Variants in DIAPH3 observed in about 807,000 individuals in gnomAD.
DIAPH3 encodes the protein protein diaphanous homolog 3.
DIAPH3 carries 117 observed loss-of-function variants against 144.3 expected under a neutral mutation model. The ratio of observed to expected loss-of-function variants is 0.81; its 90% CI spans 0.70 to 0.95. The LOEUF (loss-of-function observed/expected upper bound fraction) is 0.95. DIAPH3 is among the 40% of genes least tolerant of loss of function. The pLI is 0.00. For missense variants in DIAPH3, 1,421 were observed against 1,412.7 expected, an observed-to-expected ratio of 1.01 and a Z score of -0.09; for synonymous variants, 519 against 488.9, an observed-to-expected ratio of 1.06 and a Z score of -0.81.
intron 25 of DIAPH3, among the ~76,000 whole-genome samples, chr13:59,804,046 C>T (rs2040071886): frequency 6.6e-6 from 1 of 152,202 alleles, no homozygotes; most frequent in Non-Finnish European, 1.5e-5. Flanking sequence ...GGTTCCTTAA[C>T]TTCTATTCTG....
intron 5 of DIAPH3, among the ~76,000 whole-genome samples, chr13:60,019,609 T>TAAAAAAAAA (rs5803982): frequency 6.9e-6 from 1 of 144,230 alleles, no homozygotes; most frequent in Admixed American, 6.9e-5. Flanking sequence ...TAATAAAAAT[T>TAAAAAAAAA]AAAAAAAAAA....
intron 27 of DIAPH3, chr13:59,696,303 G>T (rs1237208616): frequency 5.9e-5 from 9 of 152,172 alleles, no homozygotes; most frequent in Admixed American, 5.9e-4. Flanking sequence ...ACAACAGATG[G>T]ATTTTAATAG....
intron 4 of DIAPH3, among the ~76,000 whole-genome samples, chr13:60,052,959 T>TAAAAAAAAAAAAAAACAAAAAAA (rs2056409470): frequency 2.5e-5 from 1 of 40,660 alleles, no homozygotes; most frequent in Non-Finnish European, 4.0e-5. Context: ...GACTCCCTCT[T>TAAAAAAAAAAAAAAACAAAAAAA]AAAAAAAAAA....
At chr13:60,032,680 G>A (rs1047092963) in intron 5 of DIAPH3, among the ~76,000 whole-genome samples, 2 of 152,220 alleles carry the variant, frequency 1.3e-5, no homozygotes, top group Admixed American at 1.3e-4. Flanking sequence ...AGGCCTCTGG[G>A]CCAGTGATGG....
At chr13:59,748,738 C>T (rs778671945) in intron 27 of DIAPH3, among the ~76,000 whole-genome samples, 10 of 152,164 alleles carry the variant, frequency 6.6e-5, no homozygotes, top group African/African-American at 9.6e-5. Context: ...ATTCAACCAA[C>T]CTCTAGATGT....
chr13:60,116,597 A>C (rs1217482194), intron 2 of DIAPH3, among the ~76,000 whole-genome samples: 1 of 152,040 alleles, frequency 6.6e-6, no homozygotes, highest in Non-Finnish European at 1.5e-5. Flanking sequence ...CATCCAAAAA[A>C]AAAACCCAGT....
At chr13:59,997,374 A>C (rs1434734083) in intron 9 of DIAPH3, among the ~76,000 whole-genome samples, 2 of 152,032 alleles carry the variant, frequency 1.3e-5, no homozygotes, top group African/African-American at 4.8e-5. Context: ...AAATGACAGG[A>C]GTTCGTTCCT....
In DIAPH3 at chr13:59,914,669, T is replaced by C. The variant is rs117175341; in HGVS notation, c.2265+1486A>G. On this transcript the variant is annotated intron_variant, in intron 19 of 27. Coordinates refer to ENST00000400324, the MANE Select transcript of DIAPH3 (RefSeq NM_001042517.2). ...GAGATGTGACTATGAGACAAAGGAA[T>C]TGAGGAATGCAAGATTGCTGGCTTG... 7.1e-3 allele frequency among the ~76,000 whole-genome samples: 1,073 copies of C among 152,136 alleles called. 6 individuals carry two copies. The highest frequency in any genetic ancestry group is 9.4e-3 in the Non-Finnish European group (642 of 67,996).
chr13:59,899,396 A>T (rs1392559327), intron 20 of DIAPH3, among the ~76,000 whole-genome samples: 4 of 152,236 alleles, frequency 2.6e-5, no homozygotes, highest in Non-Finnish European at 5.9e-5. Context: ...GAAGACTTCC[A>T]CAAAGGACCT....
chr13:59,734,003 A>G (rs1459569423), intron 27 of DIAPH3, among the ~76,000 whole-genome samples: 4 of 152,256 alleles, frequency 2.6e-5, no homozygotes, highest in African/African-American at 9.6e-5. Context: ...TGGCTAATAC[A>G]TACATGCCTT....
intron 27 of DIAPH3, among the ~76,000 whole-genome samples, chr13:59,756,284 A>G (rs906877661): frequency 3.1e-4 from 47 of 152,150 alleles, no homozygotes; most frequent in Non-Finnish European, 1.0e-4. Flanking sequence ...TTTGTAAGCC[A>G]TTTCAAATTC....
At chr13:59,712,375 T>C (rs1425498595) in intron 27 of DIAPH3, among the ~76,000 whole-genome samples, 3 of 151,932 alleles carry the variant, frequency 2.0e-5, no homozygotes, top group East Asian at 3.8e-4. Flanking sequence ...CATCTGTCTG[T>C]TCAAGTCAGT....
At chr13:59,918,481 G>A (rs751697509) in intron 18 of DIAPH3, among the ~76,000 whole-genome samples, 1 of 152,076 alleles carries the variant, frequency 6.6e-6, no homozygotes, top group Non-Finnish European at 1.5e-5. Context: ...AATACTCAGT[G>A]GCAAACAGGC....
At chr13:60,010,119 A>G (rs894798275) in intron 8 of DIAPH3, among the ~76,000 whole-genome samples, 1 of 152,172 alleles carries the variant, frequency 6.6e-6, no homozygotes, top group Non-Finnish European at 1.5e-5. Context: ...CCTTATATAT[A>G]GATTTCCAAA....
chr13:60,044,631 T>C (rs139057740), intron 4 of DIAPH3, among the ~76,000 whole-genome samples: 86 of 152,276 alleles, frequency 5.6e-4, no homozygotes, highest in African/African-American at 1.8e-3. Flanking sequence ...GGAACAAAGG[T>C]GCCTCAAAAT....
chr13:60,005,813 T>C (rs1322071324), intron 9 of DIAPH3, among the ~76,000 whole-genome samples: 1 of 152,168 alleles, frequency 6.6e-6, no homozygotes, highest in Non-Finnish European at 1.5e-5. Context: ...GTAAATTTTA[T>C]GATACGTTAA....
intron 27 of DIAPH3, among the ~76,000 whole-genome samples, chr13:59,757,510 C>T (rs1003203650): frequency 8.0e-5 from 12 of 149,378 alleles, no homozygotes; most frequent in Non-Finnish European, 1.6e-4. Flanking sequence ...ACGCCATTCT[C>T]CTGCCTCAGC....
intron 5 of DIAPH3, among the ~76,000 whole-genome samples, chr13:60,037,676 G>T (rs906073910): frequency 2.6e-5 from 4 of 151,892 alleles, no homozygotes; most frequent in African/African-American, 9.7e-5. Context: ...ATGAGGAGGA[G>T]CAGGAGCAGT....
At chr13:59,804,520 C>G (rs1404415844) in intron 25 of DIAPH3, among the ~76,000 whole-genome samples, 4 of 152,078 alleles carry the variant, frequency 2.6e-5, no homozygotes, top group African/African-American at 9.7e-5. Context: ...ATAAGTATTA[C>G]ATGTAATAAT....
Sources: gnomAD v4.1 joint callset for allele counts (sites outside exome capture counted in the v4.1 genomes callset) on GRCh38, gnomAD v4.1.1 for gene constraint, MANE v1.5 for transcripts, NCBI Gene and HGNC (gene_info 2026-07-23, HGNC 2026-07-21) for gene names.